The following PIAS2 variants were observed in gnomAD, a reference collection of about 807,000 sequenced individuals.
PIAS2 encodes the protein E3 SUMO-protein ligase PIAS2.
PIAS2 carries 19 observed loss-of-function variants against 69.7 expected under a neutral mutation model. That is an observed-to-expected ratio of 0.27 (90% CI 0.19 to 0.40). The LOEUF is 0.40. Ranked by LOEUF, PIAS2 falls within the 10% of genes least tolerant of loss-of-function variation. The probability of loss-of-function intolerance (pLI) is 1.00; values close to 1 mark genes in which losing one functional copy is unlikely to be tolerated. For synonymous variants in PIAS2, 261 were observed against 263.2 expected (o/e 0.99, Z 0.08); for missense variants, 624 against 757.0 (o/e 0.82, Z 2.06).
intron 8 of PIAS2, among the ~76,000 whole-genome samples, chr18:46,839,363 G>T (rs562487190): frequency 1.3e-5 from 2 of 152,094 alleles, no homozygotes; most frequent in East Asian, 3.9e-4. Flanking sequence ...AATTAAATCT[G>T]GAAAAATCTA....
At chr18:46,892,757 TTAAGAC>T (rs1343154600) in intron 1 of PIAS2, among the ~76,000 whole-genome samples, 2 of 152,120 alleles carry the variant, frequency 1.3e-5, no homozygotes, top group African/African-American at 4.8e-5. Context: ...CTAGGCAATA[TTAAGAC>T]TGTCTCAAAA....
intron 1 of PIAS2, 28 bp downstream of exon 1, chr18:46,917,294 G>A: frequency 2.1e-6 from 3 of 1,456,416 alleles, no homozygotes; most frequent in Non-Finnish European, 2.7e-6. Flanking sequence ...CCCCTCCCCC[G>A]CGGCCTCCGC....
At position 46,808,829 on chromosome 18, in the gene PIAS2, T is replaced by C. The variant is rs1477936108; in HGVS notation, c.*3604A>G. 1 of 151,140 alleles carries C rather than the reference T, an allele frequency of 6.6e-6. No homozygotes were observed. Among genetic ancestry groups the C allele is most frequent in the East Asian group, 1.9e-4 (1 of 5,194 alleles). The allele number at this position is 151,140 out of a possible 1,614,324, so 9.4% of individuals were successfully genotyped here. ...AATGGTCCGGCTAAGTGCTTTTTTT[T>C]TTTTTTTTTTTTTTAAACCAACTGA... is the stretch of plus-strand genomic sequence containing the variant. On this transcript the variant is annotated 3_prime_UTR_variant, in exon 14 of 14. Coordinates refer to ENST00000585916, the MANE Select transcript of PIAS2 (RefSeq NM_004671.5).
chr18:46,888,305 G>C (rs577773956), intron 2 of PIAS2, among the ~76,000 whole-genome samples: 26 of 151,188 alleles, frequency 1.7e-4, no homozygotes, highest in Non-Finnish European at 3.4e-4. Flanking sequence ...ATATTGCTAA[G>C]ATATCAATAC....
intron 13 of PIAS2, among the ~76,000 whole-genome samples, chr18:46,813,373 AG>A (rs1028003756): frequency 1.3e-5 from 2 of 152,208 alleles, no homozygotes; most frequent in African/African-American, 2.4e-5. Flanking sequence ...ATCCCAAACA[AG>A]TACAAACCTG....
intron 12 of PIAS2, chr18:46,816,303 A>G: frequency 5.3e-6 from 5 of 949,274 alleles, no homozygotes; most frequent in South Asian, 4.9e-5. Flanking sequence ...ATATCTACTA[A>G]CCAGTATGAA....
At chr18:46,869,475 A>G (rs1291165823) in intron 2 of PIAS2, among the ~76,000 whole-genome samples, 1 of 152,182 alleles carries the variant, frequency 6.6e-6, no homozygotes, top group Non-Finnish European at 1.5e-5. Flanking sequence ...GAAATCTCTA[A>G]TATAAGGAGG....
At chr18:46,866,914 T>C (rs1440183915) in intron 2 of PIAS2, among the ~76,000 whole-genome samples, 1 of 152,174 alleles carries the variant, frequency 6.6e-6, no homozygotes, top group African/African-American at 2.4e-5. Flanking sequence ...AATTCACGAA[T>C]ATAAATGCCA....
At chr18:46,850,480 G>A (rs558288833) in intron 5 of PIAS2, among the ~76,000 whole-genome samples, 2 of 151,964 alleles carry the variant, frequency 1.3e-5, no homozygotes, top group Admixed American at 1.3e-4. Context: ...TTGCTTCCTC[G>A]AAGTATAAGG....
chr18:46,886,469 A>G (rs988382819), intron 2 of PIAS2, among the ~76,000 whole-genome samples: 4 of 152,172 alleles, frequency 2.6e-5, no homozygotes, highest in Non-Finnish European at 5.9e-5. Flanking sequence ...AGATAAATCA[A>G]CTCTTTAAAA....
intron 3 of PIAS2, among the ~76,000 whole-genome samples, chr18:46,862,318 G>A (rs578146): frequency 0.45 from 67,925 of 151,906 alleles, 15,252 homozygotes; most frequent in Middle Eastern, 0.52. Context: ...CTGGATGACA[G>A]AGCGAGACTC....
rs957118862 is a variant in PIAS2 at position 46,816,337 on chromosome 18, A to G, written c.1649-988T>C. On this transcript the variant is annotated intron_variant, in intron 12 of 13. Coordinates refer to ENST00000585916, the MANE Select transcript of PIAS2 (RefSeq NM_004671.5). ...AATTTATAACTCAAAAAATTTAAGT[A>G]TATTTATTCTCTTATAATCTCCAAA... The G allele has an allele frequency of 3.1e-6, 3 of 958,982 alleles. No individual in the cohort carries two copies. In the African/African-American group the frequency reaches 5.3e-5, roughly 17 times the overall value. 59.4% of individuals were successfully genotyped at this position (958,982 alleles called of 1,614,324 possible). A position where few individuals can be genotyped will look rare whatever the true frequency, so the allele number is the denominator to read the frequency against.
intron 1 of PIAS2, chr18:46,906,230 G>A (rs2056578551): frequency 6.6e-6 from 1 of 151,920 alleles, no homozygotes; most frequent in African/African-American, 2.4e-5. Flanking sequence ...ACTTAACTGT[G>A]AAACTTTGAA....
At chr18:46,888,129 T>C (rs985918621) in intron 2 of PIAS2, among the ~76,000 whole-genome samples, 3 of 152,064 alleles carry the variant, frequency 2.0e-5, no homozygotes, top group African/African-American at 7.2e-5. Flanking sequence ...AGAAAAAATA[T>C]TTCAAAATTA....
chr18:46,809,894 G>T lies in PIAS2; in HGVS notation c.*2539C>A, dbSNP rs924555238. 2 of 152,094 alleles carry T rather than the reference G, an allele frequency of 1.3e-5. No homozygotes were observed. Among genetic ancestry groups the T allele is most frequent in the Admixed American group, 1.3e-4 (2 of 15,270 alleles). 9.4% of individuals were successfully genotyped at this position (152,094 alleles called of 1,614,324 possible). A position where few individuals can be genotyped will look rare whatever the true frequency, so the allele number is the denominator to read the frequency against. Reference sequence around the variant, plus strand: ...CCCCTCTGAAACTCCCTTATATTTGGTTAAGCAGAAATCTGGGCTAGCAAA... The same window carrying T: ...CCCCTCTGAAACTCCCTTATATTTGTTTAAGCAGAAATCTGGGCTAGCAAA... On this transcript the variant is annotated 3_prime_UTR_variant, in exon 14 of 14. Coordinates refer to ENST00000585916, the MANE Select transcript of PIAS2 (RefSeq NM_004671.5).
At chr18:46,877,801 A>T (rs2051489795) in intron 2 of PIAS2, among the ~76,000 whole-genome samples, 1 of 152,110 alleles carries the variant, frequency 6.6e-6, no homozygotes, top group Non-Finnish European at 1.5e-5. Context: ...TGCAGAAGTA[A>T]ATTTGCCTTG....
chr18:46,811,195 C>CT lies in PIAS2; in HGVS notation c.*1237dup, dbSNP rs1351824678. The CT allele has an allele frequency of 6.6e-6, 1 of 151,112 alleles. No homozygotes were observed. Among genetic ancestry groups the CT allele is most frequent in the African/African-American group, 2.4e-5 (1 of 41,098 alleles). The allele number at this position is 151,112 out of a possible 1,614,324, so 9.4% of individuals were successfully genotyped here. A position where few individuals can be genotyped will look rare whatever the true frequency, so the allele number is the denominator to read the frequency against. On this transcript the variant is annotated 3_prime_UTR_variant, in exon 14 of 14. Coordinates refer to ENST00000585916, the MANE Select transcript of PIAS2 (RefSeq NM_004671.5). Reference sequence around the variant, plus strand: ...GCCCATCTCCCCCAACCCTTCTTCACTTTAATTCAAACATTTCTAATTCTC... The same window carrying CT: ...GCCCATCTCCCCCAACCCTTCTTCACTTTTAATTCAAACATTTCTAATTCTC...
chr18:46,861,393 C>T (rs1250514431), intron 3 of PIAS2, among the ~76,000 whole-genome samples: 2 of 152,164 alleles, frequency 1.3e-5, no homozygotes, highest in Non-Finnish European at 2.9e-5. Flanking sequence ...CCAAGATTCA[C>T]GAGTGAACAC....
At chr18:46,820,873 T>C in intron 12 of PIAS2, 60 bp downstream of exon 12, 1 of 1,519,128 alleles carries the variant, frequency 6.6e-7, no homozygotes, top group Non-Finnish European at 8.9e-7. Context: ...CTTCACAGAT[T>C]AAGATTAAAA....
Sources: gnomAD v4.1 joint callset for allele counts (sites outside exome capture counted in the v4.1 genomes callset) on GRCh38, gnomAD v4.1.1 for gene constraint, MANE v1.5 for transcripts, NCBI Gene and HGNC (gene_info 2026-07-23, HGNC 2026-07-21) for gene names.